The following NETO1 variants were observed in gnomAD, a reference collection of about 807,000 sequenced individuals.
NETO1 encodes the protein neuropilin and tolloid like 1.
NETO1 carries 26 observed loss-of-function variants against 61.3 expected under a neutral mutation model. The observed-to-expected ratio is 0.42, with a 90% CI of 0.31 to 0.59. The LOEUF is 0.59. NETO1 is among the 20% of genes least tolerant of loss of function. The pLI is 0.12. For missense variants in NETO1, 531 were observed against 662.8 expected (o/e 0.80, Z 2.18); for synonymous variants, 225 against 225.8 (o/e 1.00, Z 0.03).
intron 4 of NETO1, among the ~76,000 whole-genome samples, chr18:72,832,181 C>T (rs1374182723): frequency 6.6e-6 from 1 of 151,998 alleles, no homozygotes; most frequent in Admixed American, 6.5e-5. Context: ...CTCCAATTTC[C>T]TAATTCTTAA....
intron 1 of NETO1, among the ~76,000 whole-genome samples, chr18:72,866,104 T>C (rs1410331747): frequency 6.6e-6 from 1 of 152,170 alleles, no homozygotes; most frequent in Non-Finnish European, 1.5e-5. Flanking sequence ...ACTAGCAAAA[T>C]AGTAAGTAAG....
chr18:72,861,768 G>T (rs78323902), intron 3 of NETO1, among the ~76,000 whole-genome samples: 2,471 of 152,172 alleles, frequency 0.016, 48 homozygotes, highest in African/African-American at 0.052. Flanking sequence ...TATTTTAAAT[G>T]TACCTTTCTC....
At chr18:72,780,249 A>G (rs1370576242) in intron 7 of NETO1, among the ~76,000 whole-genome samples, 1 of 152,214 alleles carries the variant, frequency 6.6e-6, no homozygotes, top group Non-Finnish European at 1.5e-5. Context: ...GAAGAGAGTG[A>G]TTATTTGTCC....
intron 4 of NETO1, among the ~76,000 whole-genome samples, chr18:72,843,328 A>G (rs1288501701): frequency 6.6e-6 from 1 of 152,198 alleles, no homozygotes; most frequent in Non-Finnish European, 1.5e-5. Flanking sequence ...TGTCTAAATG[A>G]CAAGGAAATA....
chr18:72,838,102 C>A (rs1175882889), intron 4 of NETO1, among the ~76,000 whole-genome samples: 3 of 152,200 alleles, frequency 2.0e-5, no homozygotes, highest in African/African-American at 7.2e-5. Flanking sequence ...CTATGAGAGA[C>A]CTACAGAAAG....
intron 6 of NETO1, among the ~76,000 whole-genome samples, chr18:72,790,669 A>G (rs1490655452): frequency 6.6e-6 from 1 of 152,088 alleles, no homozygotes; most frequent in African/African-American, 2.4e-5. Flanking sequence ...ATTAACAGCT[A>G]TTTCTCTAGT....
chr18:72,847,997 C>A (rs1041258322), intron 4 of NETO1, among the ~76,000 whole-genome samples: 1 of 152,158 alleles, frequency 6.6e-6, no homozygotes, highest in African/African-American at 2.4e-5. Flanking sequence ...ATGGGCCTTT[C>A]CATATTCAAA....
At chr18:72,835,533 T>C (rs2073717986) in intron 4 of NETO1, among the ~76,000 whole-genome samples, 1 of 152,110 alleles carries the variant, frequency 6.6e-6, no homozygotes, top group Non-Finnish European at 1.5e-5. Context: ...AGCTAAGACA[T>C]AGATTCAAGG....
At chr18:72,794,514 A>G in intron 4 of NETO1, 110 bp from the exon 5 acceptor site, 1 of 1,031,742 alleles carries the variant, frequency 9.7e-7, no homozygotes, top group Non-Finnish European at 1.4e-6. Flanking sequence ...AAAACACATT[A>G]GGGAAAAGTA....
chr18:72,822,094 T>C (rs1056008278), intron 4 of NETO1, among the ~76,000 whole-genome samples: 1 of 152,250 alleles, frequency 6.6e-6, no homozygotes, highest in East Asian at 1.9e-4. Flanking sequence ...GAGATAACCA[T>C]GGAGGCTTCT....
In NETO1 at chr18:72,744,487, A is replaced by C. The variant is rs559628389; in HGVS notation, c.*3692T>G. On this transcript the variant is annotated 3_prime_UTR_variant, in exon 11 of 11. Transcript: ENST00000327305. Reference sequence around the variant, plus strand: ...CAAGACCTGTTTATTTTGTTGTTGAATCTATTTTACAATTTCTTGGCTGGG... The same window carrying C: ...CAAGACCTGTTTATTTTGTTGTTGACTCTATTTTACAATTTCTTGGCTGGG... The C allele has an allele frequency of 2.0e-5, 3 of 152,130 alleles. No homozygotes were observed. Among genetic ancestry groups the C allele is most frequent in the Non-Finnish European group, 2.9e-5 (2 of 68,020 alleles). 9.4% of individuals were successfully genotyped at this position (152,130 alleles called of 1,614,324 possible).
Position 72,750,288 on chromosome 18 carries a change from T to C in NETO1, c.1315A>G (p.Ser439Gly). 1 of 1,614,142 alleles carries C rather than the reference T, an allele frequency of 6.2e-7. No individual in the cohort carries two copies. The highest frequency in any genetic ancestry group is 1.7e-5 in the Admixed American group (1 of 60,004). The change falls in exon 9 of 11, where the codon AGC (serine) becomes GGC (glycine). Residue 439 changes from serine (S) to glycine (G), a missense_variant. Ser to Gly is a moderately conservative substitution (Grantham distance 56). Coordinates refer to ENST00000327305, the MANE Select transcript of NETO1 (RefSeq NM_138966.5). ...AGGTTACTGCGGCTGCCTTTAGTGC[T>C]GGACAGCTGTGATCCACAGTGATGG... ...HDHHCGSQLS[S>G]TKGSRSNLST... is the part of the protein sequence containing the mutation.
intron 8 of NETO1, among the ~76,000 whole-genome samples, chr18:72,754,282 CAT>C (rs1452766135): frequency 1.3e-5 from 2 of 151,954 alleles, no homozygotes; most frequent in Non-Finnish European, 2.9e-5. Flanking sequence ...AGAAAAAATA[CAT>C]GAGACATTTA....
chr18:72,782,804 C>CA (rs199542848), intron 7 of NETO1, among the ~76,000 whole-genome samples: 6 of 150,122 alleles, frequency 4.0e-5, no homozygotes, highest in East Asian at 2.0e-4. Context: ...AACTCCATCT[C>CA]AAAAAAAAAT....
chr18:72,846,151 T>C (rs1415641193), intron 4 of NETO1, among the ~76,000 whole-genome samples: 1 of 151,300 alleles, frequency 6.6e-6, no homozygotes, highest in Non-Finnish European at 1.5e-5. Flanking sequence ...ACAATGTTGA[T>C]TCAGAGCCAA....
chr18:72,825,288 T>G (rs7245279), intron 4 of NETO1, among the ~76,000 whole-genome samples: 77,120 of 151,882 alleles, frequency 0.51, 19,957 homozygotes, highest in African/African-American at 0.55. Flanking sequence ...TGATGCTGGT[T>G]TTCTATGTCT....
chr18:72,757,244 GT>G (rs2070813417), intron 7 of NETO1, among the ~76,000 whole-genome samples: 2 of 151,998 alleles, frequency 1.3e-5, no homozygotes, highest in South Asian at 2.1e-4. Flanking sequence ...GTTATAATGA[GT>G]TTATTTTTCA....
intron 4 of NETO1, chr18:72,834,868 A>G (rs1189294809): frequency 2.2e-6 from 2 of 924,772 alleles, no homozygotes; most frequent in Non-Finnish European, 2.6e-6. Context: ...AGATTGTAAT[A>G]CAAGAATAAA....
intron 7 of NETO1, among the ~76,000 whole-genome samples, chr18:72,764,083 C>T (rs2071073139): frequency 6.6e-6 from 1 of 152,144 alleles, no homozygotes; most frequent in African/African-American, 2.4e-5. Flanking sequence ...TTATTTCCAC[C>T]TGGTCCAGCC....
Sources: allele counts gnomAD v4.1 joint callset (sites outside exome capture counted in the v4.1 genomes callset), GRCh38; gene constraint gnomAD v4.1.1; transcripts MANE v1.5; gene names NCBI Gene and HGNC (gene_info 2026-07-23, HGNC 2026-07-21).